Variants in SYT16 observed in about 807,000 individuals in gnomAD.
SYT16 encodes synaptotagmin 16.
SYT16 carries 42 observed loss-of-function variants against 61.4 expected under a neutral mutation model. That is an observed-to-expected ratio of 0.68 (90% CI 0.53 to 0.89). The LOEUF (loss-of-function observed/expected upper bound fraction) is 0.89. Ranked by LOEUF, SYT16 falls within the 40% of genes least tolerant of loss-of-function variation. The pLI is 0.00. For missense variants in SYT16, 804 were observed against 807.3 expected, an observed-to-expected ratio of 1.00 and a Z score of 0.05; for synonymous variants, 314 against 302.3, an observed-to-expected ratio of 1.04 and a Z score of -0.40.
At chr14:61,920,574 C>T (rs150236260) in intron 1 of SYT16, among the ~76,000 whole-genome samples, 69 of 152,298 alleles carry the variant, frequency 4.5e-4, no homozygotes, top group African/African-American at 1.7e-3. Flanking sequence ...TAGGTCCAGG[C>T]CTGTCTCTAG....
rs138369426 is a variant in SYT16, at chr14:62,040,808, C to T, written c.524-28795C>T. Among the ~76,000 whole-genome samples the T allele has an allele frequency of 4.3e-3, 653 of 152,250 alleles. 3 individuals are homozygous for T. Among genetic ancestry groups the T allele is most frequent in the African/African-American group, 0.015 (624 of 41,524 alleles). On this transcript the variant is annotated intron_variant, in intron 3 of 7. Transcript: ENST00000683842. ...TACCAAGAGGTCCCATATACTCTTA[C>T]CTCTTCCTGCCTTGTTTCCCCTGTT...
chr14:61,838,004 C>T (rs1458219479), intron 1 of SYT16, among the ~76,000 whole-genome samples: 4 of 152,098 alleles, frequency 2.6e-5, no homozygotes, highest in Non-Finnish European at 5.9e-5. Context: ...TTTCGTTGCC[C>T]CTGTAATGAC....
chr14:61,839,650 T>C (rs2046242071), intron 1 of SYT16, among the ~76,000 whole-genome samples: 1 of 152,128 alleles, frequency 6.6e-6, no homozygotes, highest in Non-Finnish European at 1.5e-5. Flanking sequence ...GTTTTGGAAT[T>C]ATCTGAGGAA....
At chr14:62,050,604 T>C (rs2055233157) in intron 3 of SYT16, among the ~76,000 whole-genome samples, 1 of 152,240 alleles carries the variant, frequency 6.6e-6, no homozygotes, top group Non-Finnish European at 1.5e-5. Context: ...TTTGTGGTTT[T>C]ATCTACCTTT....
At chr14:62,036,113 G>A (rs939956226) in intron 3 of SYT16, among the ~76,000 whole-genome samples, 2 of 152,130 alleles carry the variant, frequency 1.3e-5, no homozygotes, top group African/African-American at 4.8e-5. Context: ...AGCACAGGGC[G>A]TAGGAGGAAT....
chr14:61,865,353 G>T, intron 1 of SYT16: 3 of 668,892 alleles, frequency 4.5e-6, no homozygotes, highest in Non-Finnish European at 2.7e-6. Flanking sequence ...TCCGGAAAGG[G>T]AAACAGGGCA....
intron 1 of SYT16, among the ~76,000 whole-genome samples, chr14:61,906,399 C>T (rs1594882026): frequency 6.6e-6 from 1 of 152,236 alleles, no homozygotes; most frequent in African/African-American, 2.4e-5. Flanking sequence ...CCTCCCATCT[C>T]AGCCTTCTGA....
At chr14:62,004,664 G>A (rs924971817) in intron 3 of SYT16, among the ~76,000 whole-genome samples, 2 of 152,170 alleles carry the variant, frequency 1.3e-5, no homozygotes, top group Non-Finnish European at 2.9e-5. Context: ...TTTTGTCATT[G>A]TTCCACCAAA....
Position 61,948,212 on chromosome 14 carries a change from A to G in SYT16, c.-324-21920A>G, listed in dbSNP as rs1451424086. On this transcript the variant is annotated intron_variant, in intron 1 of 7. Coordinates refer to ENST00000683842, the MANE Select transcript of SYT16 (RefSeq NM_001367656.1). ...GTAGAATGGATTGGAGTTGTGAGGG[A>G]TCTGGCAGTATCCTGCGTAAGTGTA... Among the ~76,000 whole-genome samples the G allele has an allele frequency of 2.6e-5, 4 of 152,076 alleles. No individual in the cohort carries two copies. The East Asian group carries it at 7.7e-4, about 29-fold the overall frequency.
At chr14:62,047,128 A>G (rs1480901589) in intron 3 of SYT16, among the ~76,000 whole-genome samples, 1 of 150,198 alleles carries the variant, frequency 6.7e-6, no homozygotes, top group Non-Finnish European at 1.5e-5. Flanking sequence ...TGTATCTTGT[A>G]TTGTATCCTC....
chr14:62,005,424 C>T (rs2053183174), intron 3 of SYT16, among the ~76,000 whole-genome samples: 1 of 152,074 alleles, frequency 6.6e-6, no homozygotes, highest in South Asian at 2.1e-4. Context: ...CCCAAGGTTC[C>T]TATCCATTCT....
At chr14:62,014,726 G>A (rs2053596602) in intron 3 of SYT16, among the ~76,000 whole-genome samples, 1 of 152,004 alleles carries the variant, frequency 6.6e-6, no homozygotes, top group East Asian at 1.9e-4. Context: ...GAGCCATTGC[G>A]CCCGGCTGGT....
At chr14:62,092,208 ACACACACACACACACACACT>A (rs1381180570) in intron 7 of SYT16, among the ~76,000 whole-genome samples, 24 of 124,540 alleles carry the variant, frequency 1.9e-4, no homozygotes, top group African/African-American at 5.9e-4. Flanking sequence ...ACACACACAC[ACACACACACACACACACACT>A]AACAAGTGTT....
chr14:62,025,078 T>C (rs1435941851), intron 3 of SYT16, among the ~76,000 whole-genome samples: 5 of 152,156 alleles, frequency 3.3e-5, no homozygotes, highest in Admixed American at 6.6e-5. Context: ...CAATTATAAA[T>C]AAAGCTGCTA....
rs149142074 is a variant in SYT16 at position 61,964,853 on chromosome 14, A to G, written c.-324-5279A>G. ...CAGCCATAACATTGAGACATCCTCC[A>G]TAAATAAAAAGATTATGTTTCACTG... On this transcript the variant is annotated intron_variant, in intron 1 of 7. Coordinates refer to ENST00000683842, the MANE Select transcript of SYT16 (RefSeq NM_001367656.1). Among the ~76,000 whole-genome samples the G allele has an allele frequency of 4.2e-3, 635 of 152,140 alleles. 3 individuals carry two copies. The highest frequency in any genetic ancestry group is 7.6e-3 in the Non-Finnish European group (515 of 67,962).
intron 1 of SYT16, among the ~76,000 whole-genome samples, chr14:61,955,039 A>G (rs2050818754): frequency 6.6e-6 from 1 of 152,130 alleles, no homozygotes; most frequent in Non-Finnish European, 1.5e-5. Flanking sequence ...AGGTTCACCC[A>G]TAATGTAGCA....
chr14:61,901,095 C>T (rs2048497782), intron 1 of SYT16, among the ~76,000 whole-genome samples: 1 of 152,212 alleles, frequency 6.6e-6, no homozygotes, highest in Admixed American at 6.5e-5. Flanking sequence ...ATTCAGCCAC[C>T]TTCAGGCTTC....
intron 3 of SYT16, among the ~76,000 whole-genome samples, chr14:62,055,966 C>T (rs369035757): frequency 2.9e-4 from 44 of 151,936 alleles, no homozygotes; most frequent in Middle Eastern, 6.9e-3. Flanking sequence ...ACTTGGAGTC[C>T]GACGTTCAAG....
At chr14:61,975,331 C>T (rs1053430190) in intron 2 of SYT16, among the ~76,000 whole-genome samples, 2 of 151,974 alleles carry the variant, frequency 1.3e-5, no homozygotes, top group Non-Finnish European at 2.9e-5. Flanking sequence ...GGGAGTCAGA[C>T]TAAACATTGC....
Sources: allele counts gnomAD v4.1 joint callset (sites outside exome capture counted in the v4.1 genomes callset), GRCh38; gene constraint gnomAD v4.1.1; transcripts MANE v1.5; gene names NCBI Gene and HGNC (gene_info 2026-07-23, HGNC 2026-07-21).